The following OR2V1 variants were observed in gnomAD, a reference collection of about 807,000 sequenced individuals.
OR2V1 encodes olfactory receptor 2V1.
In OR2V1, 18 loss-of-function variants were observed where a neutral mutation model predicts 15.0. The ratio of observed to expected loss-of-function variants is 1.20; its 90% CI spans 0.83 to 1.78. The LOEUF (loss-of-function observed/expected upper bound fraction) is 1.78, where lower values mean the gene tolerates loss of function less well. Ranked by LOEUF, OR2V1 falls within the 40% of genes most tolerant of loss-of-function variation. OR2V1 has a pLI of 0.00. For missense variants in OR2V1, 359 were observed against 392.9 expected (o/e 0.91, Z 0.73); for synonymous variants, 144 against 146.1 (o/e 0.99, Z 0.10).
chr5:181,127,974 C>T (rs1762901245), intron 3 of OR2V1, among the ~76,000 whole-genome samples: 1 of 151,998 alleles, frequency 6.6e-6, no homozygotes, highest in Non-Finnish European at 1.5e-5. Context: ...CTCCCTCCAT[C>T]CTGCATGGTT....
chr5:181,130,285 A>G, intron 1 of OR2V1, 70 bp from the exon 2 acceptor site: 1 of 398,918 alleles, frequency 2.5e-6, no homozygotes, highest in Non-Finnish European at 4.4e-6. Context: ...GGGTCGGGGG[A>G]CAGGAGGAGC....
At chr5:181,125,436 T>A in intron 3 of OR2V1, 111 bp from the exon 4 acceptor site, 2 of 782,006 alleles carry the variant, frequency 2.6e-6, no homozygotes, top group Admixed American at 2.7e-5. Flanking sequence ...CTCGTATTCC[T>A]GTGACACAGG....
chr5:181,129,279 T>C (rs948371440), intron 3 of OR2V1, among the ~76,000 whole-genome samples: 1 of 151,974 alleles, frequency 6.6e-6, no homozygotes, highest in African/African-American at 2.4e-5. Flanking sequence ...GGTGTGCACC[T>C]GTAGTTCCAG....
chr5:181,130,847 C>T (rs901858870), intron 1 of OR2V1, among the ~76,000 whole-genome samples: 4 of 152,188 alleles, frequency 2.6e-5, no homozygotes, highest in African/African-American at 9.7e-5. Flanking sequence ...ATCAGCACTT[C>T]CCAGCGACCT....
chr5:181,128,854 T>G (rs1244881358), intron 3 of OR2V1, among the ~76,000 whole-genome samples: 1 of 152,050 alleles, frequency 6.6e-6, no homozygotes, highest in East Asian at 1.9e-4. Flanking sequence ...GTGCCACGGG[T>G]GCTCGTGGTG....
At position 181,130,342 on chromosome 5, in the gene OR2V1, T is replaced by C. The variant is rs189201834; in HGVS notation, c.-120-127A>G. 1,943 of 388,264 alleles carry C rather than the reference T, an allele frequency of 5.0e-3. 14 individuals carry two copies. The highest frequency in any genetic ancestry group is 0.028 in the African/African-American group (1,229 of 43,992). 24.1% of individuals were successfully genotyped at this position (388,264 alleles called of 1,614,324 possible). On this transcript the variant is annotated intron_variant, in intron 1 of 3. Coordinates refer to ENST00000641551, the MANE Select transcript of OR2V1 (RefSeq NM_001258283.2). The stretch of plus-strand genomic sequence containing the variant: ...CAGCCCGCACCGACTACTCATCGGG[T>C]TGTGGAGCCCACGGCACCCTCAGCC...
chr5:181,126,151 C>A (rs1193373294), intron 3 of OR2V1, among the ~76,000 whole-genome samples: 1 of 152,110 alleles, frequency 6.6e-6, no homozygotes, highest in Non-Finnish European at 1.5e-5. Flanking sequence ...CTCAGTGTTT[C>A]TCAGAATCTA....
intron 3 of OR2V1, among the ~76,000 whole-genome samples, chr5:181,128,834 G>C (rs6862552): frequency 1.3e-5 from 2 of 152,014 alleles, no homozygotes; most frequent in Non-Finnish European, 2.9e-5. Context: ...ACTAGAACCC[G>C]TGTTCCCCGG....
At position 181,125,303 on chromosome 5, in the gene OR2V1, ATGGCT is replaced by A. The variant is rs1762860019; in HGVS notation, c.-4_1del. 9 of 1,610,536 alleles carry A rather than the reference ATGGCT, an allele frequency of 5.6e-6. No individual in the cohort carries two copies. The highest frequency in any genetic ancestry group is 7.6e-6 in the Non-Finnish European group (9 of 1,178,200). ...GTAGGACTGGTTCACCCATCTTCCC[ATGGCT>A]TAGTTGTTCACTGTCACCTGAGAAC... On this transcript the variant is annotated start_lost and start_retained_variant and 5_prime_UTR_variant, in exon 4 of 4. Coordinates refer to ENST00000641551, the MANE Select transcript of OR2V1 (RefSeq NM_001258283.2).
intron 1 of OR2V1, chr5:181,130,583 C>G (rs111988426): frequency 2.7e-5 from 6 of 222,042 alleles, no homozygotes; most frequent in Non-Finnish European, 4.3e-5. Flanking sequence ...GGTACTGAAC[C>G]CAGACACGGG....
At position 181,124,918 on chromosome 5, in the gene OR2V1, G is replaced by A. The variant is rs1268970763; in HGVS notation, c.387C>T (p.His129=). ...TCATGAGGATGGGATAGTGAAGTGG[G>A]TGGCTAACGGCCACGTAGCGGTCAT... is the stretch of plus-strand genomic sequence containing the variant. ...MAYDRYVAVS[H]PLHYPILMNQ... Residue 129 remains histidine, a synonymous_variant, in exon 4 of 4, where the codon CAC becomes CAT. Transcript: ENST00000641551. 8 of 1,613,874 alleles carry A rather than the reference G, an allele frequency of 5.0e-6. No individual in the cohort carries two copies. The highest frequency in any genetic ancestry group is 6.8e-6 in the Non-Finnish European group (8 of 1,179,966).
chr5:181,126,457 CAG>C lies in OR2V1; in HGVS notation c.-21-1134_-21-1133del, dbSNP rs61186355. 5.9e-4 allele frequency among the ~76,000 whole-genome samples: 75 copies of C among 126,114 alleles called. No homozygotes were observed. In the East Asian group the frequency reaches 9.7e-3, roughly 16 times the overall value. 82.7% of individuals were successfully genotyped at this position (126,114 alleles called of 152,430 possible). A position where few individuals can be genotyped will look rare whatever the true frequency, so the allele number is the denominator to read the frequency against. ...ACACACACACACACACACACACACA[CAG>C]AGACACACAGACAGACACTAATACA... On this transcript the variant is annotated intron_variant, in intron 3 of 3. Transcript: ENST00000641551.
At position 181,124,937 on chromosome 5, in the gene OR2V1, C is replaced by T. The variant is rs10073017; in HGVS notation, c.368G>A (p.Arg123His). 109,105 of 1,613,804 alleles carry T rather than the reference C, an allele frequency of 0.068. 6,254 individuals carry two copies. The highest frequency in any genetic ancestry group is 0.3 in the African/African-American group (22,095 of 74,888). Residue 123 changes from arginine to histidine, a missense_variant, in exon 4 of 4, where the codon CGC (arginine) becomes CAC (histidine). Arg to His is a conservative substitution (Grantham distance 29, BLOSUM62 0). Transcript: ENST00000641551. ...GLLLGLMAYD[R>H]YVAVSHPLHY... is the part of the protein sequence containing the mutation. ...AAGTGGGTGGCTAACGGCCACGTAG[C>T]GGTCATAAGCCATGAGTCCCAGCAA...
At chr5:181,130,458 C>G in intron 1 of OR2V1, 1 of 384,626 alleles carries the variant, frequency 2.6e-6, no homozygotes, top group Non-Finnish European at 4.6e-6. Context: ...GGAGCTGGTG[C>G]TGGCAGGAGA....
rs573240773 is a variant in OR2V1, at chr5:181,124,595, T to G, written c.710A>C (p.Lys237Thr). The G allele has an allele frequency of 4.7e-5, 75 of 1,612,614 alleles. No individual in the cohort carries two copies. In the African/African-American group the frequency reaches 9.2e-4, roughly 20 times the overall value. The change falls in exon 4 of 4, where the codon AAA (lysine) becomes ACA (threonine). Residue 237 changes from lysine (K) to threonine (T), a missense_variant. Coordinates refer to ENST00000641551, the MANE Select transcript of OR2V1 (RefSeq NM_001258283.2). ...GTGGGAGGAGCAGGTGGCCAGGGCT[T>G]TTTTCCAGGCCTGAGCAGAGCGTAT... ...LRIRSAQAWK[K>T]ALATCSSHLT...
chr5:181,128,237 A>G (rs1391345468), intron 3 of OR2V1, among the ~76,000 whole-genome samples: 2 of 151,300 alleles, frequency 1.3e-5, no homozygotes, highest in Admixed American at 6.6e-5. Context: ...AAACATCAGA[A>G]ACCCCTGCTG....
rs745762712 is a variant in OR2V1 at position 181,125,028 on chromosome 5, T to C, written c.277A>G (p.Ile93Val). The C allele has an allele frequency of 5.0e-6, 8 of 1,614,136 alleles. No individual in the cohort carries two copies. Among genetic ancestry groups the C allele is most frequent in the Non-Finnish European group, 6.8e-6 (8 of 1,180,032 alleles). The change falls in exon 4 of 4, where the codon ATC becomes GTC. Residue 93 changes from isoleucine (I) to valine (V), a missense_variant. By Grantham distance (29) the Ile-to-Val change is conservative. Transcript: ENST00000641551. ...AANFLSGRKS[I>V]SFVGCGIQIG... ...TGTATGCCACAGCCCACAAAGGAGA[T>C]GGACTTCCTGCCAGACAGGAAGTTG...
rs1321579636 is a variant in OR2V1, at chr5:181,124,740, C to T, written c.565G>A (p.Ala189Thr). 2 of 1,609,156 alleles carry T rather than the reference C, an allele frequency of 1.2e-6. No individual in the cohort carries two copies. The highest frequency in any genetic ancestry group is 1.7e-6 in the Non-Finnish European group (2 of 1,179,440). ...FCEVQALLKLACADTSLFDTL... is the reference protein window; with the variant it reads ...FCEVQALLKLTCADTSLFDTL... Reference sequence around the variant, plus strand: ...TCAAAAAGGGAAGTGTCTGCACAGGCCAGCTTCAATAAAGCTTGTACCTCA... The same window carrying T: ...TCAAAAAGGGAAGTGTCTGCACAGGTCAGCTTCAATAAAGCTTGTACCTCA... The change falls in exon 4 of 4, where the codon GCC (alanine) becomes ACC (threonine). Residue 189 changes from alanine to threonine, a missense_variant. Ala to Thr is a moderately conservative substitution (Grantham distance 58). Coordinates refer to ENST00000641551, the MANE Select transcript of OR2V1 (RefSeq NM_001258283.2).
At position 181,124,977 on chromosome 5, in the gene OR2V1, C is replaced by T. The variant is rs1247332818; in HGVS notation, c.328G>A (p.Gly110Arg). The change falls in exon 4 of 4, where the codon GGA (glycine) becomes AGA (arginine). Residue 110 changes from glycine (G) to arginine (R), a missense_variant. By Grantham distance (125) the Gly-to-Arg change is moderately radical. Transcript: ENST00000641551. Reference sequence around the variant, plus strand: ...AGTCCCAGCAAGAGCCCCTCAGATCCCACAAGAGAGACAAAAAAGCCAATT... The same window carrying T: ...AGTCCCAGCAAGAGCCCCTCAGATCTCACAAGAGAGACAAAAAAGCCAATT... Reference protein sequence around the residue: ...IQIGFFVSLVGSEGLLLGLMA... With the variant: ...IQIGFFVSLVRSEGLLLGLMA... The T allele has an allele frequency of 6.2e-7, 1 of 1,614,100 alleles. No individual in the cohort carries two copies. The highest frequency in any genetic ancestry group is 8.5e-7 in the Non-Finnish European group (1 of 1,180,052).
Sources: gnomAD v4.1 joint callset for allele counts (sites outside exome capture counted in the v4.1 genomes callset) on GRCh38, gnomAD v4.1.1 for gene constraint, MANE v1.5 for transcripts, NCBI Gene and HGNC (gene_info 2026-07-23, HGNC 2026-07-21) for gene names.